Variants in CNTN1 observed in about 807,000 individuals in gnomAD.
CNTN1 encodes contactin 1.
Under a neutral mutation model 126.4 loss-of-function variants are expected in CNTN1, and 38 were observed. That is an observed-to-expected ratio of 0.30 (90% CI 0.23 to 0.39). CNTN1 has a LOEUF of 0.39. Ranked by LOEUF, CNTN1 falls within the 10% of genes least tolerant of loss-of-function variation. The pLI is 1.00. For synonymous variants in CNTN1, 413 were observed against 422.6 expected, an observed-to-expected ratio of 0.98 and a Z score of 0.28; for missense variants, 1,009 against 1,248.4, an observed-to-expected ratio of 0.81 and a Z score of 2.89.
At chr12:40,927,400 G>T (rs758103196) in intron 6 of CNTN1, among the ~76,000 whole-genome samples, 4 of 152,200 alleles carry the variant, frequency 2.6e-5, no homozygotes, top group East Asian at 1.9e-4. Context: ...GAGAGTCAGC[G>T]TGGCTATTGC....
intron 1 of CNTN1, among the ~76,000 whole-genome samples, chr12:40,798,402 T>A (rs747076171): frequency 9.9e-5 from 15 of 152,036 alleles, no homozygotes; most frequent in Admixed American, 6.6e-5. Flanking sequence ...AGACTTTTTT[T>A]CAGACAAACA....
chr12:41,039,139 A>C (rs1476287061), intron 23 of CNTN1, among the ~76,000 whole-genome samples: 2 of 152,172 alleles, frequency 1.3e-5, no homozygotes, highest in African/African-American at 4.8e-5. Flanking sequence ...CCATTGAACC[A>C]GTTTAAGGTG....
At chr12:40,860,078 CT>C (rs1245237170) in intron 1 of CNTN1, among the ~76,000 whole-genome samples, 2 of 152,020 alleles carry the variant, frequency 1.3e-5, no homozygotes, top group African/African-American at 4.8e-5. Context: ...TACATTTTTT[CT>C]AATTCTTTAC....
chr12:40,804,263 G>A (rs1304200903), intron 1 of CNTN1, among the ~76,000 whole-genome samples: 3 of 152,126 alleles, frequency 2.0e-5, no homozygotes, highest in Non-Finnish European at 4.4e-5. Context: ...TAGGAAAGGA[G>A]TAACATTTAT....
At chr12:40,775,002 A>G (rs1939523080) in intron 1 of CNTN1, among the ~76,000 whole-genome samples, 1 of 151,522 alleles carries the variant, frequency 6.6e-6, no homozygotes. Flanking sequence ...TTGTATTTGG[A>G]GCATTCCAAT....
At chr12:41,019,533 G>C (rs984482223) in intron 19 of CNTN1, among the ~76,000 whole-genome samples, 8 of 151,950 alleles carry the variant, frequency 5.3e-5, no homozygotes, top group Admixed American at 2.0e-4. Flanking sequence ...ACATTAAATA[G>C]GATTATGGCA....
chr12:41,056,534 A>T (rs1263247304), intron 23 of CNTN1, among the ~76,000 whole-genome samples: 3 of 152,122 alleles, frequency 2.0e-5, no homozygotes, highest in Admixed American at 2.0e-4. Flanking sequence ...TCATTCTATA[A>T]GTAACTACTA....
intron 16 of CNTN1, among the ~76,000 whole-genome samples, chr12:40,983,025 G>A (rs1422786250): frequency 6.6e-6 from 1 of 151,978 alleles, no homozygotes; most frequent in Non-Finnish European, 1.5e-5. Context: ...AACCAACATG[G>A]CACATGTATA....
At chr12:40,766,065 A>G (rs1432781647) in intron 1 of CNTN1, among the ~76,000 whole-genome samples, 1 of 152,154 alleles carries the variant, frequency 6.6e-6, no homozygotes, top group Non-Finnish European at 1.5e-5. Flanking sequence ...ATTAGAGGAA[A>G]TTGCATTCCA....
intron 15 of CNTN1, among the ~76,000 whole-genome samples, chr12:40,969,295 G>A (rs751554617): frequency 6.6e-6 from 1 of 152,066 alleles, no homozygotes; most frequent in Non-Finnish European, 1.5e-5. Flanking sequence ...CTCAGAAAAA[G>A]CTTTTACCCT....
chr12:41,010,767 A>G (rs895468866), intron 17 of CNTN1, among the ~76,000 whole-genome samples: 3 of 151,816 alleles, frequency 2.0e-5, no homozygotes, highest in Non-Finnish European at 4.4e-5. Context: ...TAATTAATAG[A>G]TTTTGCCCTT....
Position 41,070,094 on chromosome 12 carries a change from A to T in CNTN1, c.*59A>T. 6.9e-7 allele frequency: 1 copy of T among 1,441,544 alleles called. No homozygotes were observed. Among genetic ancestry groups the T allele is most frequent in the Non-Finnish European group, 9.8e-7 (1 of 1,024,116 alleles). 89.3% of individuals were successfully genotyped at this position (1,441,544 alleles called of 1,614,324 possible). ...TCAGAAGACACCCTTCAACCCTGGG[A>T]TGACCACAATTCCTTCCAATTTCTG... On this transcript the variant is annotated 3_prime_UTR_variant, in exon 24 of 24. Coordinates refer to ENST00000551295, the MANE Select transcript of CNTN1 (RefSeq NM_001843.4).
intron 3 of CNTN1, among the ~76,000 whole-genome samples, chr12:40,911,173 G>T (rs112105676): frequency 0.066 from 9,978 of 152,016 alleles, 532 homozygotes; most frequent in Admixed American, 0.17. Flanking sequence ...CTCCACCTCC[G>T]GGATTCACGC....
intron 9 of CNTN1, among the ~76,000 whole-genome samples, chr12:40,934,513 A>AT (rs35787929): frequency 4.6e-5 from 7 of 151,060 alleles, no homozygotes; most frequent in East Asian, 2.0e-4. Flanking sequence ...GGGAAGACAG[A>AT]TTTTTTTTCA....
intron 23 of CNTN1, among the ~76,000 whole-genome samples, chr12:41,069,420 C>T (rs1201549205): frequency 2.0e-5 from 3 of 151,996 alleles, no homozygotes; most frequent in Non-Finnish European, 2.9e-5. Context: ...AGTATTTTTA[C>T]TGTATCTCTT....
Position 40,933,759 on chromosome 12 carries a change from G to C in CNTN1, c.866G>C (p.Ser289Thr), listed in dbSNP as rs763333899. 6.2e-7 allele frequency: 1 copy of C among 1,612,874 alleles called. No individual in the cohort carries two copies. Among genetic ancestry groups the C allele is most frequent in the South Asian group, 1.1e-5 (1 of 91,070 alleles). The change falls in exon 9 of 24, where the codon AGC becomes ACC. Residue 289 changes from serine to threonine, a missense_variant. Ser to Thr is a moderately conservative substitution (Grantham distance 58). Coordinates refer to ENST00000551295, the MANE Select transcript of CNTN1 (RefSeq NM_001843.4). ...LEPMPSTAEI[S>T]TSGAVLKIFN... The stretch of plus-strand genomic sequence containing the variant: ...CCAATGCCAAGCACTGCTGAGATTA[G>C]CACCTCTGGGGCTGTTCTTAAGATC...
chr12:41,063,242 C>A (rs770792462), intron 23 of CNTN1, among the ~76,000 whole-genome samples: 1 of 152,194 alleles, frequency 6.6e-6, no homozygotes, highest in Non-Finnish European at 1.5e-5. Flanking sequence ...TGATTAGCCT[C>A]AAGCAATTGG....
rs1429306979 is a variant in CNTN1 at position 41,024,382 on chromosome 12, A to G, written c.2524-768A>G. Among the ~76,000 whole-genome samples the G allele has an allele frequency of 7.2e-5, 11 of 152,156 alleles. No homozygotes were observed. In the South Asian group the frequency reaches 2.1e-3, roughly 29 times the overall value. On this transcript the variant is annotated intron_variant, in intron 20 of 23. Transcript: ENST00000551295. Reference sequence around the variant, plus strand: ...TTTTTATTCATTTTATTCATACCTTAGATATAATTATAAATCTTGAATGCA... The same window carrying G: ...TTTTTATTCATTTTATTCATACCTTGGATATAATTATAAATCTTGAATGCA...
At chr12:40,697,261 T>A (rs550854455) in intron 1 of CNTN1, among the ~76,000 whole-genome samples, 3 of 152,356 alleles carry the variant, frequency 2.0e-5, no homozygotes, top group South Asian at 4.1e-4. Context: ...CATACTCTCA[T>A]TAACACTTGA....
Sources: allele counts gnomAD v4.1 joint callset (sites outside exome capture counted in the v4.1 genomes callset), GRCh38; gene constraint gnomAD v4.1.1; transcripts MANE v1.5; gene names NCBI Gene and HGNC (gene_info 2026-07-23, HGNC 2026-07-21).